TTC28: variants seen among roughly 807,000 people sequenced by gnomAD.
The protein encoded by TTC28 is tetratricopeptide repeat protein 28.
A neutral mutation model predicts 198.0 loss-of-function variants in TTC28; 61 were observed. The observed-to-expected ratio is 0.31, with a 90% CI of 0.25 to 0.38. TTC28 has a LOEUF of 0.38. TTC28 is among the 10% of genes least tolerant of loss of function. The pLI, the probability that TTC28 is intolerant of heterozygous loss-of-function variation, is 1.00. For synonymous variants in TTC28, 1,171 were observed against 1,297.8 expected (o/e 0.90, Z 2.10); for missense variants, 2,678 against 3,164.0 (o/e 0.85, Z 3.69).
intron 2 of TTC28, among the ~76,000 whole-genome samples, chr22:28,551,463 T>C (rs1428591351): frequency 6.6e-6 from 1 of 151,838 alleles, no homozygotes; most frequent in Non-Finnish European, 1.5e-5. Context: ...CTGATGAAAA[T>C]AGATGCAAAA....
intron 2 of TTC28, among the ~76,000 whole-genome samples, chr22:28,326,289 G>C (rs930328601): frequency 2.0e-5 from 3 of 152,062 alleles, no homozygotes; most frequent in Non-Finnish European, 2.9e-5. Context: ...GCAATTAGTT[G>C]TTGCCAGGGT....
rs898796385 is a variant in TTC28 at position 28,211,745 on chromosome 22, A to T, written c.934-48146T>A. 5.4e-4 allele frequency among the ~76,000 whole-genome samples: 82 copies of T among 152,276 alleles called. 1 individual carries two copies. Among genetic ancestry groups the T allele is most frequent in the South Asian group, 4.2e-4 (2 of 4,814 alleles). On this transcript the variant is annotated intron_variant, in intron 5 of 22. Coordinates refer to ENST00000397906, the MANE Select transcript of TTC28 (RefSeq NM_001145418.2). Reference sequence around the variant, plus strand: ...AACGAGACAGAAAGTTAAAAAGGATATCCACGACTTGAACTCAACTCTGGA... The same window carrying T: ...AACGAGACAGAAAGTTAAAAAGGATTTCCACGACTTGAACTCAACTCTGGA...
chr22:28,159,776 A>G (rs1312991528), intron 6 of TTC28, among the ~76,000 whole-genome samples: 1 of 152,160 alleles, frequency 6.6e-6, no homozygotes, highest in Non-Finnish European at 1.5e-5. Context: ...TATTTTTTGC[A>G]GCATTGTTCA....
intron 5 of TTC28, among the ~76,000 whole-genome samples, chr22:28,245,792 A>G (rs925529281): frequency 6.6e-6 from 1 of 152,172 alleles, no homozygotes; most frequent in African/African-American, 2.4e-5. Flanking sequence ...CTCTAGAACA[A>G]AGGTCAAGCT....
rs182417833 is a variant in TTC28 at position 28,552,634 on chromosome 22, C to T, written c.381+76918G>A. Among the ~76,000 whole-genome samples, 5 of 152,186 alleles carry T rather than the reference C, an allele frequency of 3.3e-5. No individual in the cohort carries two copies. The East Asian group carries it at 5.8e-4, about 18-fold the overall frequency. On this transcript the variant is annotated intron_variant, in intron 2 of 22. Coordinates refer to ENST00000397906, the MANE Select transcript of TTC28 (RefSeq NM_001145418.2). ...ACAAAAACATAAAGTGGGGAAAGGA[C>T]GACCTATTCAACAAAAGGTGCTGGG...
At chr22:28,134,305 T>G (rs532929770) in intron 6 of TTC28, among the ~76,000 whole-genome samples, 65 of 151,952 alleles carry the variant, frequency 4.3e-4, no homozygotes, top group Non-Finnish European at 8.2e-4. Context: ...AGAGCGCCAC[T>G]CCCCCTCCAA....
chr22:28,629,360 A>C (rs1451870934), intron 2 of TTC28, 192 bp downstream of exon 2: 1 of 579,946 alleles, frequency 1.7e-6, no homozygotes, highest in Non-Finnish European at 2.9e-6. Context: ...TTGCACATGG[A>C]AAGCATGCTA....
At chr22:28,321,470 GCA>G (rs2045444629) in intron 2 of TTC28, among the ~76,000 whole-genome samples, 1 of 152,142 alleles carries the variant, frequency 6.6e-6, no homozygotes, top group Non-Finnish European at 1.5e-5. Flanking sequence ...GAGGTTAATT[GCA>G]CACCATTAAT....
At position 28,315,541 on chromosome 22, in the gene TTC28, T is replaced by C. The variant is rs546812685; in HGVS notation, c.382-8898A>G. ...TTCACATTTAGATTTGTGGTCCAGT[T>C]TGAGTTAATTCTTATATAAGGTGCA... On this transcript the variant is annotated intron_variant, in intron 2 of 22. Transcript: ENST00000397906. Among the ~76,000 whole-genome samples, 13 of 152,318 alleles carry C rather than the reference T, an allele frequency of 8.5e-5. 1 individual carries two copies. In the East Asian group the frequency reaches 2.3e-3, roughly 27 times the overall value.
chr22:28,525,054 T>C (rs571202115), intron 2 of TTC28, among the ~76,000 whole-genome samples: 2 of 152,344 alleles, frequency 1.3e-5, no homozygotes, highest in South Asian at 4.1e-4. Context: ...GCTGGGGTTA[T>C]ATGAATTGTG....
At chr22:28,677,114 C>A (rs1466731236) in intron 1 of TTC28, among the ~76,000 whole-genome samples, 2 of 137,188 alleles carry the variant, frequency 1.5e-5, no homozygotes, top group Non-Finnish European at 3.0e-5. Flanking sequence ...CAAGATCATG[C>A]CATTGCACTC....
intron 14 of TTC28, among the ~76,000 whole-genome samples, chr22:28,008,825 G>C (rs573190855): frequency 7.2e-5 from 11 of 152,338 alleles, no homozygotes; most frequent in African/African-American, 2.4e-4. Context: ...CCACAAGTTT[G>C]CTGCTGAGGG....
At chr22:28,292,531 C>T (rs1467732701) in intron 5 of TTC28, among the ~76,000 whole-genome samples, 7 of 152,090 alleles carry the variant, frequency 4.6e-5, no homozygotes, top group African/African-American at 4.8e-5. Flanking sequence ...CAACACTATA[C>T]CAACTTTTAT....
chr22:28,631,840 A>C (rs957718238), intron 1 of TTC28, among the ~76,000 whole-genome samples: 3 of 152,200 alleles, frequency 2.0e-5, no homozygotes, highest in African/African-American at 7.2e-5. Context: ...ACTCATTTTT[A>C]AAACATAAAA....
intron 12 of TTC28, among the ~76,000 whole-genome samples, chr22:28,091,024 T>A (rs1272176111): frequency 6.6e-6 from 1 of 152,206 alleles, no homozygotes; most frequent in African/African-American, 2.4e-5. Context: ...CCACATAACC[T>A]GCTAGAGATC....
chr22:28,270,952 T>A (rs1932026503), intron 5 of TTC28, among the ~76,000 whole-genome samples: 1 of 152,108 alleles, frequency 6.6e-6, no homozygotes, highest in South Asian at 2.1e-4. Flanking sequence ...TAAGCCAGAG[T>A]CAGCTCCATT....
chr22:28,426,618 A>G (rs1047315399), intron 2 of TTC28, among the ~76,000 whole-genome samples: 1 of 152,160 alleles, frequency 6.6e-6, no homozygotes, highest in Admixed American at 6.5e-5. Context: ...ACCATGTAAG[A>G]GCTAACTAGT....
intron 12 of TTC28, among the ~76,000 whole-genome samples, chr22:28,045,167 C>T (rs573047907): frequency 1.3e-5 from 2 of 152,286 alleles, no homozygotes; most frequent in South Asian, 2.1e-4. Context: ...AATATGAATG[C>T]TGTCTAGCAC....
chr22:28,404,548 C>T (rs2046970779), intron 2 of TTC28, among the ~76,000 whole-genome samples: 1 of 152,218 alleles, frequency 6.6e-6, no homozygotes, highest in Non-Finnish European at 1.5e-5. Flanking sequence ...TGATTCCCTC[C>T]TCTCCTGCTT....
Sources: allele counts gnomAD v4.1 joint callset (sites outside exome capture counted in the v4.1 genomes callset), GRCh38; gene constraint gnomAD v4.1.1; transcripts MANE v1.5; gene names NCBI Gene and HGNC (gene_info 2026-07-23, HGNC 2026-07-21).